The following RXFP1 variants were observed in gnomAD, a reference collection of about 807,000 sequenced individuals.
RXFP1 encodes the protein relaxin receptor 1.
In RXFP1, 73 loss-of-function variants were observed where a neutral mutation model predicts 89.8. That is an observed-to-expected ratio of 0.81 (90% CI 0.67 to 0.99). The LOEUF (loss-of-function observed/expected upper bound fraction) is 0.99. RXFP1 is among the 50% of genes least tolerant of loss of function. The pLI is 0.00. For synonymous variants in RXFP1, 277 were observed against 305.5 expected (o/e 0.91, Z 0.97); for missense variants, 793 against 895.5 (o/e 0.89, Z 1.46).
chr4:158,644,857 G>C, intron 14 of RXFP1, 52 bp from the exon 15 acceptor site: 2 of 1,196,634 alleles, frequency 1.7e-6, no homozygotes, highest in Non-Finnish European at 2.4e-6. Flanking sequence ...TGAATGTATG[G>C]TGACACTGAA....
intron 1 of RXFP1, among the ~76,000 whole-genome samples, chr4:158,551,029 C>T (rs139945090): frequency 1.5e-4 from 23 of 150,000 alleles, no homozygotes; most frequent in Non-Finnish European, 2.2e-4. Flanking sequence ...GTCAATGTAA[C>T]GGACTATTAA....
chr4:158,620,643 G>A (rs112994445), intron 9 of RXFP1, among the ~76,000 whole-genome samples: 4,404 of 152,068 alleles, frequency 0.029, 107 homozygotes, highest in Non-Finnish European at 0.043. Flanking sequence ...TAATATTGGC[G>A]AAAAAGATTT....
At chr4:158,636,709 G>A (rs980189508) in intron 12 of RXFP1, among the ~76,000 whole-genome samples, 3 of 152,038 alleles carry the variant, frequency 2.0e-5, no homozygotes, top group African/African-American at 7.3e-5. Context: ...GCCTAAATTG[G>A]GCTAATTAAC....
At chr4:158,551,647 T>G (rs1750156310) in intron 1 of RXFP1, among the ~76,000 whole-genome samples, 1 of 152,102 alleles carries the variant, frequency 6.6e-6, no homozygotes, top group South Asian at 2.1e-4. Flanking sequence ...TAAAAATAAA[T>G]AAATAAATAT....
chr4:158,534,006 T>A (rs1464294404), intron 1 of RXFP1, among the ~76,000 whole-genome samples: 4 of 152,178 alleles, frequency 2.6e-5, no homozygotes, highest in Non-Finnish European at 5.9e-5. Flanking sequence ...TGATGCAATG[T>A]CTAAAACAAT....
intron 1 of RXFP1, among the ~76,000 whole-genome samples, chr4:158,549,989 G>A (rs1056673421): frequency 6.6e-6 from 1 of 152,234 alleles, no homozygotes; most frequent in African/African-American, 2.4e-5. Context: ...GTCAGACAGG[G>A]ATATTTAAGC....
At chr4:158,625,944 C>T (rs1766611306) in intron 9 of RXFP1, among the ~76,000 whole-genome samples, 1 of 151,980 alleles carries the variant, frequency 6.6e-6, no homozygotes, top group South Asian at 2.1e-4. Flanking sequence ...CATATACTCA[C>T]TTATGAAAGA....
At chr4:158,540,172 A>G (rs1746259395) in intron 1 of RXFP1, among the ~76,000 whole-genome samples, 1 of 152,196 alleles carries the variant, frequency 6.6e-6, no homozygotes, top group Admixed American at 6.5e-5. Flanking sequence ...AAGCAAGTTT[A>G]TTAAGAAAGC....
chr4:158,631,335 G>T (rs997387394), intron 11 of RXFP1, among the ~76,000 whole-genome samples: 8 of 152,194 alleles, frequency 5.3e-5, no homozygotes, highest in African/African-American at 1.9e-4. Flanking sequence ...TTTTACTAAA[G>T]ATGAAGCAGA....
At chr4:158,549,100 G>T (rs1278385578) in intron 1 of RXFP1, among the ~76,000 whole-genome samples, 1 of 151,710 alleles carries the variant, frequency 6.6e-6, no homozygotes, top group South Asian at 2.1e-4. Context: ...ATCAGACGTA[G>T]ATTTGGTCTT....
chr4:158,638,519 G>A (rs753486921), intron 13 of RXFP1, among the ~76,000 whole-genome samples: 7 of 152,094 alleles, frequency 4.6e-5, no homozygotes, highest in Non-Finnish European at 8.8e-5. Flanking sequence ...TAAAAGATAA[G>A]CTTCAGGGCT....
At chr4:158,550,417 C>T (rs527421065) in intron 1 of RXFP1, among the ~76,000 whole-genome samples, 1 of 152,376 alleles carries the variant, frequency 6.6e-6, no homozygotes, top group African/African-American at 2.4e-5. Context: ...GGCAATGCCT[C>T]GCCCTGCTTC....
rs1454033231 is a variant in RXFP1 at position 158,541,758 on chromosome 4, T to C, written c.49+19733T>C. ...ATGACCCTTCGCAAGCACTTGAGCA[T>C]GTATCTCCAAAGAGTTACAGTCTCT... On this transcript the variant is annotated intron_variant, in intron 1 of 17. Transcript: ENST00000307765. 2.6e-5 allele frequency among the ~76,000 whole-genome samples: 4 copies of C among 152,236 alleles called. No homozygotes were observed. In the East Asian group the frequency reaches 7.7e-4, roughly 29 times the overall value.
Position 158,651,859 on chromosome 4 carries a change from A to G in RXFP1, c.2078A>G (p.His693Arg). 2 of 1,614,184 alleles carry G rather than the reference A, an allele frequency of 1.2e-6. No individual in the cohort carries two copies. The highest frequency in any genetic ancestry group is 1.7e-6 in the Non-Finnish European group (2 of 1,180,012). ...ACAAGACCATTTAAAGAAATGATTC[A>G]TCGGTTTTGGTATAACTACAGACAA... is the stretch of plus-strand genomic sequence containing the variant. ...LTTRPFKEMI[H>R]RFWYNYRQRK... The change falls in exon 18 of 18, where the codon CAT becomes CGT. Residue 693 changes from histidine to arginine, a missense_variant. Coordinates refer to ENST00000307765, the MANE Select transcript of RXFP1 (RefSeq NM_021634.4).
intron 1 of RXFP1, among the ~76,000 whole-genome samples, chr4:158,542,318 C>T (rs1241370038): frequency 6.6e-6 from 1 of 151,434 alleles, no homozygotes; most frequent in South Asian, 2.1e-4. Context: ...AATCTTTTAT[C>T]AGGAAACAAT....
chr4:158,546,204 T>C lies in RXFP1; in HGVS notation c.49+24179T>C, dbSNP rs943402985. On this transcript the variant is annotated intron_variant, in intron 1 of 17. Transcript: ENST00000307765. The stretch of plus-strand genomic sequence containing the variant: ...TGGATTCCTAGGTATTTTATTCTCT[T>C]TGAAGCAATTGTGAATGGGAGTTCA... Among the ~76,000 whole-genome samples, 450 of 152,296 alleles carry C rather than the reference T, an allele frequency of 3.0e-3. 2 individuals are homozygous for C. Among genetic ancestry groups the C allele is most frequent in the African/African-American group, 0.01 (434 of 41,552 alleles).
intron 12 of RXFP1, among the ~76,000 whole-genome samples, chr4:158,634,777 T>C (rs1768813736): frequency 6.6e-6 from 1 of 152,176 alleles, no homozygotes; most frequent in South Asian, 2.1e-4. Flanking sequence ...ACACAATTTA[T>C]TGAAAAGACT....
At chr4:158,556,146 T>C (rs550513970) in intron 1 of RXFP1, among the ~76,000 whole-genome samples, 1 of 149,868 alleles carries the variant, frequency 6.7e-6, no homozygotes, top group Non-Finnish European at 1.5e-5. Flanking sequence ...AAAGACAACC[T>C]ACAGAAAGGG....
At chr4:158,646,572 G>A in intron 15 of RXFP1, 4 of 1,372,618 alleles carry the variant, frequency 2.9e-6, no homozygotes, top group Non-Finnish European at 3.8e-6. Context: ...AGAAATGATT[G>A]CATAATTAAC....
Sources: gnomAD v4.1 joint callset for allele counts (sites outside exome capture counted in the v4.1 genomes callset) on GRCh38, gnomAD v4.1.1 for gene constraint, MANE v1.5 for transcripts, NCBI Gene and HGNC (gene_info 2026-07-23, HGNC 2026-07-21) for gene names.